The following C12orf43 variants were observed in gnomAD, a reference collection of about 807,000 sequenced individuals.
The protein encoded by C12orf43 is protein CUSTOS.
C12orf43 carries 15 observed loss-of-function variants against 20.6 expected under a neutral mutation model. That is an observed-to-expected ratio of 0.73 (90% CI 0.49 to 1.12). C12orf43 has a LOEUF of 1.12. C12orf43 is among the 50% of genes most tolerant of loss of function. The pLI is 0.00. For missense variants in C12orf43, 334 were observed against 344.4 expected (o/e 0.97, Z 0.24); for synonymous variants, 144 against 130.8 (o/e 1.10, Z -0.69).
rs372620170 is a variant in C12orf43 at position 121,004,327 on chromosome 12, C to T, written c.615G>A (p.Ser205=). Residue 205 remains serine, a synonymous_variant, in exon 6 of 6, where the codon TCG becomes TCA. Coordinates refer to ENST00000288757, the MANE Select transcript of C12orf43 (RefSeq NM_022895.3). This position sits in a 1 kb window ranked among gnomAD's most constrained non-coding sequence, Gnocchi z 5.6. ...KKAKKVASVD[S]AVAATTPTSM... ...TGGTGGGGGTGGTGGCAGCGACAGC[C>T]GAGTCGACACTGGCCACCTTCTTGG... 1.7e-5 allele frequency: 28 copies of T among 1,613,926 alleles called. No individual in the cohort carries two copies. The highest frequency in any genetic ancestry group is 1.6e-4 in the Middle Eastern group (1 of 6,084).
In C12orf43 at chr12:121,005,159, AAAAT is replaced by A. The variant is rs1877889617; in HGVS notation, c.362-70_362-67del. ...AACAAAAAGAAACATAAAAAAATAA[AAAAT>A]AAAGAAACAAAAAAGAAAAAAATTT... On this transcript the variant is annotated intron_variant, in intron 4 of 5. Coordinates refer to ENST00000288757, the MANE Select transcript of C12orf43 (RefSeq NM_022895.3). This position sits in a 1 kb window ranked among gnomAD's most constrained non-coding sequence, Gnocchi z 5.6. The A allele has an allele frequency of 2.3e-6, 2 of 860,842 alleles. No homozygotes were observed. Among genetic ancestry groups the A allele is most frequent in the Non-Finnish European group, 3.1e-6 (2 of 647,272 alleles). 53.3% of individuals were successfully genotyped at this position (860,842 alleles called of 1,614,324 possible). A position where few individuals can be genotyped will look rare whatever the true frequency, so the allele number is the denominator to read the frequency against.
In C12orf43 at chr12:121,004,306, G is replaced by A. The variant is rs1353309278; in HGVS notation, c.636C>T (p.Pro212=). 2 of 1,614,126 alleles carry A rather than the reference G, an allele frequency of 1.2e-6. No individual in the cohort carries two copies. Among genetic ancestry groups the A allele is most frequent in the African/African-American group, 1.3e-5 (1 of 75,022 alleles). The part of the protein sequence containing the change: ...SVDSAVAATT[P]TSMATVQKQK... ...GCTTCTGGACTGTGGCCATGCTGGT[G>A]GGGGTGGTGGCAGCGACAGCCGAGT... Residue 212 remains proline, a synonymous_variant, in exon 6 of 6, where the codon CCC becomes CCT. Coordinates refer to ENST00000288757, the MANE Select transcript of C12orf43 (RefSeq NM_022895.3). This position sits in a 1 kb window ranked among gnomAD's most constrained non-coding sequence, Gnocchi z 5.6.
At chr12:121,015,844 TC>T (rs1458684044) in intron 1 of C12orf43, among the ~76,000 whole-genome samples, 1 of 152,184 alleles carries the variant, frequency 6.6e-6, no homozygotes, top group Non-Finnish European at 1.5e-5. Flanking sequence ...ATGTTTTCAT[TC>T]CAAATTCAAG....
chr12:121,013,788 C>A (rs2135886832), intron 1 of C12orf43, among the ~76,000 whole-genome samples: 1 of 152,272 alleles, frequency 6.6e-6, no homozygotes, highest in South Asian at 2.1e-4. Context: ...GGCACAGCAG[C>A]AATGAAGAGC....
chr12:121,014,630 CA>C (rs35811695), intron 1 of C12orf43, among the ~76,000 whole-genome samples: 391 of 99,312 alleles, frequency 3.9e-3, no homozygotes, highest in African/African-American at 0.017. Context: ...AACTCCATCT[CA>C]AAAAAAAAAA....
At position 121,001,636 on chromosome 12, in the gene C12orf43, G is replaced by C. The variant is rs993469480; in HGVS notation, c.*2517C>G. The C allele has an allele frequency of 9.0e-6, 4 of 444,278 alleles. No homozygotes were observed. The highest frequency in any genetic ancestry group is 1.7e-5 in the Non-Finnish European group (4 of 232,072). The allele number at this position is 444,278 out of a possible 1,614,324, so 27.5% of individuals were successfully genotyped here. A position where few individuals can be genotyped will look rare whatever the true frequency, so the allele number is the denominator to read the frequency against. ...CTGAGCTCTGAGAGGCCCTGGATCA[G>C]CGTGGCCTTGTTCTGTCACCAATGT... On this transcript the variant is annotated 3_prime_UTR_variant, in exon 6 of 6. Transcript: ENST00000288757.
Position 121,003,962 on chromosome 12 carries a change from C to A in C12orf43, c.*191G>T. The stretch of plus-strand genomic sequence containing the variant: ...GGGCAGGCCTTGATTGGTCTTCTCA[C>A]CCTACAGCCACTTTTTTGGCCCAAC... On this transcript the variant is annotated 3_prime_UTR_variant, in exon 6 of 6. Coordinates refer to ENST00000288757, the MANE Select transcript of C12orf43 (RefSeq NM_022895.3). The A allele has an allele frequency of 1.5e-6, 1 of 650,868 alleles. No individual in the cohort carries two copies. Among genetic ancestry groups the A allele is most frequent in the East Asian group, 2.7e-5 (1 of 36,886 alleles). The allele number at this position is 650,868 out of a possible 1,614,324, so 40.3% of individuals were successfully genotyped here. A position where few individuals can be genotyped will look rare whatever the true frequency, so the allele number is the denominator to read the frequency against.
rs1260045055 is a variant in C12orf43 at position 121,003,852 on chromosome 12, A to C, written c.*301T>G. On this transcript the variant is annotated 3_prime_UTR_variant, in exon 6 of 6. Transcript: ENST00000288757. ...TTCACCACTTGGCCACTAGTCTCAA[A>C]TAACTGGAAGGTTCCTTTTTTCCTG... is the stretch of plus-strand genomic sequence containing the variant. 1 of 448,064 alleles carries C rather than the reference A, an allele frequency of 2.2e-6. No homozygotes were observed. Among genetic ancestry groups the C allele is most frequent in the Non-Finnish European group, 4.1e-6 (1 of 245,306 alleles). 27.8% of individuals were successfully genotyped at this position (448,064 alleles called of 1,614,324 possible).
rs749629639 is a variant in C12orf43 at position 121,004,320 on chromosome 12, C to T, written c.622G>A (p.Ala208Thr). The change falls in exon 6 of 6, where the codon GCT becomes ACT. Residue 208 changes from alanine to threonine, a missense_variant. Coordinates refer to ENST00000288757, the MANE Select transcript of C12orf43 (RefSeq NM_022895.3). The surrounding 1 kb of genome is among the most constrained non-coding windows in gnomAD (Gnocchi z 5.6). Reference protein sequence around the residue: ...KKVASVDSAVAATTPTSMATV... With the variant: ...KKVASVDSAVTATTPTSMATV... ...GCCATGCTGGTGGGGGTGGTGGCAG[C>T]GACAGCCGAGTCGACACTGGCCACC... 12 of 1,614,112 alleles carry T rather than the reference C, an allele frequency of 7.4e-6. No individual in the cohort carries two copies. Among genetic ancestry groups the T allele is most frequent in the South Asian group, 1.1e-5 (1 of 91,078 alleles).
rs1877550579 is a variant in C12orf43, at chr12:121,002,284, A to AG, written c.*1868dup. 2.3e-6 allele frequency: 1 copy of AG among 441,730 alleles called. No homozygotes were observed. Among genetic ancestry groups the AG allele is most frequent in the African/African-American group, 2.0e-5 (1 of 50,626 alleles). 27.4% of individuals were successfully genotyped at this position (441,730 alleles called of 1,614,324 possible). A position where few individuals can be genotyped will look rare whatever the true frequency, so the allele number is the denominator to read the frequency against. Reference sequence around the variant, plus strand: ...GTTCGCAGCCACCCTGAGGAGTCTGAGGTCCTGAGCACTGCCAGGAGGGAC... The same window carrying AG: ...GTTCGCAGCCACCCTGAGGAGTCTGAGGGTCCTGAGCACTGCCAGGAGGGAC... On this transcript the variant is annotated 3_prime_UTR_variant, in exon 6 of 6. Transcript: ENST00000288757.
rs765038782 is a variant in C12orf43 at position 121,004,372 on chromosome 12, T to C, written c.570A>G (p.Lys190=). 6.2e-7 allele frequency: 1 copy of C among 1,614,184 alleles called. No individual in the cohort carries two copies. The highest frequency in any genetic ancestry group is 1.1e-5 in the South Asian group (1 of 91,090). ...TCTTGGCTTTCTTTTTCAACTTCCT[T>C]TTCTTCTTTGCCTCCTTCTCCACTG... is the stretch of plus-strand genomic sequence containing the variant. ...PGTVEKEAKK[K]RKLKKKAKKV... is the part of the protein sequence containing the mutation. Residue 190 remains lysine (K), a synonymous_variant, in exon 6 of 6, where the codon AAA becomes AAG. Transcript: ENST00000288757. The surrounding 1 kb of genome is among the most constrained non-coding windows in gnomAD (Gnocchi z 5.6).
chr12:121,001,115 C>T lies in C12orf43; in HGVS notation c.*3038G>A, dbSNP rs1877444491. On this transcript the variant is annotated 3_prime_UTR_variant, in exon 6 of 6. Coordinates refer to ENST00000288757, the MANE Select transcript of C12orf43 (RefSeq NM_022895.3). ...CCAGAGCTCAGACTCCAGCAATGGC[C>T]AGAGCCACCTGCTGCCATCCAACCA... The T allele has an allele frequency of 3.1e-6, 5 of 1,614,040 alleles. No homozygotes were observed. Among genetic ancestry groups the T allele is most frequent in the Non-Finnish European group, 4.2e-6 (5 of 1,179,966 alleles).
Position 121,015,344 on chromosome 12 carries a change from G to A in C12orf43, c.145+986C>T, listed in dbSNP as rs377258674. Among the ~76,000 whole-genome samples the A allele has an allele frequency of 3.6e-4, 55 of 152,288 alleles. No individual in the cohort carries two copies. The South Asian group carries it at 8.3e-3, about 23-fold the overall frequency. On this transcript the variant is annotated intron_variant, in intron 1 of 5. Coordinates refer to ENST00000288757, the MANE Select transcript of C12orf43 (RefSeq NM_022895.3). ...GGGAAGGAAGGGAGAGGAAGGCAAT[G>A]GATCACCAAAGGGCTTGTAAGTCCT... is the stretch of plus-strand genomic sequence containing the variant.
chr12:121,009,724 T>G (rs1014864589), intron 3 of C12orf43, among the ~76,000 whole-genome samples: 1 of 152,226 alleles, frequency 6.6e-6, no homozygotes, highest in Non-Finnish European at 1.5e-5. Flanking sequence ...ATACATTTAT[T>G]TTGTTTATAA....
Position 121,011,388 on chromosome 12 carries a change from A to ATT in C12orf43, c.146-244_146-243dup, listed in dbSNP as rs1375921714. Reference sequence around the variant, plus strand: ...ATAGTTACATATTTTATGTAAGTACATTATATATATATATATCTTAGTTAT... The same window carrying ATT: ...ATAGTTACATATTTTATGTAAGTACATTTTATATATATATATATCTTAGTTAT... On this transcript the variant is annotated intron_variant, in intron 1 of 5. Coordinates refer to ENST00000288757, the MANE Select transcript of C12orf43 (RefSeq NM_022895.3). Among the ~76,000 whole-genome samples, 31 of 147,898 alleles carry ATT rather than the reference A, an allele frequency of 2.1e-4. 1 individual carries two copies. Among genetic ancestry groups the ATT allele is most frequent in the East Asian group, 7.8e-4 (4 of 5,148 alleles).
At position 121,001,336 on chromosome 12, in the gene C12orf43, T is replaced by C. The variant is rs564624043; in HGVS notation, c.*2817A>G. The C allele has an allele frequency of 7.9e-5, 83 of 1,053,296 alleles. 2 individuals are homozygous for C. Among genetic ancestry groups the C allele is most frequent in the Admixed American group, 7.8e-4 (37 of 47,278 alleles). 65.2% of individuals were successfully genotyped at this position (1,053,296 alleles called of 1,614,324 possible). A position where few individuals can be genotyped will look rare whatever the true frequency, so the allele number is the denominator to read the frequency against. On this transcript the variant is annotated 3_prime_UTR_variant, in exon 6 of 6. Transcript: ENST00000288757. ...TGCCTCGCTCCCCACTCTGCTCTGA[T>C]GCATCAGAAAGGGAGGGCTCTGAGG...
At position 121,005,098 on chromosome 12, in the gene C12orf43, G is replaced by T; in HGVS notation, c.362-5C>A. The T allele has an allele frequency of 7.4e-7, 1 of 1,342,464 alleles. No individual in the cohort carries two copies. The highest frequency in any genetic ancestry group is 1.8e-5 in the South Asian group (1 of 55,752). The allele number at this position is 1,342,464 out of a possible 1,614,324, so 83.2% of individuals were successfully genotyped here. A position where few individuals can be genotyped will look rare whatever the true frequency, so the allele number is the denominator to read the frequency against. Reference sequence around the variant, plus strand: ...ATGTGAAGAAAAGGCGGAAACCTAAGATTCAATGGGGCAGAGTCAAACAAA... The same window carrying T: ...ATGTGAAGAAAAGGCGGAAACCTAATATTCAATGGGGCAGAGTCAAACAAA... On this transcript the variant is annotated splice_polypyrimidine_tract_variant and splice_region_variant and intron_variant, in intron 4 of 5. Transcript: ENST00000288757. The surrounding 1 kb of genome is among the most constrained non-coding windows in gnomAD (Gnocchi z 5.6).
chr12:121,011,981 G>A (rs1479630003), intron 1 of C12orf43, among the ~76,000 whole-genome samples: 2 of 152,216 alleles, frequency 1.3e-5, no homozygotes, highest in African/African-American at 4.8e-5. Flanking sequence ...GGTGGAGAGA[G>A]ATGATAAACA....
At chr12:121,007,565 G>A (rs1355958374) in intron 3 of C12orf43, among the ~76,000 whole-genome samples, 1 of 152,182 alleles carries the variant, frequency 6.6e-6, no homozygotes, top group Non-Finnish European at 1.5e-5. Flanking sequence ...CTCAGCAAAT[G>A]GTAGCTATGA....
Sources: gnomAD v4.1 joint callset for allele counts (sites outside exome capture counted in the v4.1 genomes callset) on GRCh38, gnomAD v4.1.1 for gene constraint, Gnocchi (gnomAD v3.1) non-coding constraint, MANE v1.5 for transcripts, NCBI Gene and HGNC (gene_info 2026-07-23, HGNC 2026-07-21) for gene names.